ZNF536: variants seen among roughly 807,000 people sequenced by gnomAD.
ZNF536 encodes the protein zinc finger protein 536.
In ZNF536, 13 loss-of-function variants were observed where a neutral mutation model predicts 84.5. The ratio of observed to expected loss-of-function variants is 0.15; its 90% CI spans 0.10 to 0.24. ZNF536 has a LOEUF of 0.24. Among genes scored for constraint, ZNF536 ranks in the 10% least tolerant of loss-of-function variants. The pLI is 1.00. For missense variants in ZNF536, 1,536 were observed against 1,747.5 expected (o/e 0.88, Z 2.16); for synonymous variants, 811 against 742.5 (o/e 1.09, Z -1.50).
chr19:30,674,992 C>A (rs2050699656), intron 1 of ZNF536, among the ~76,000 whole-genome samples: 1 of 152,148 alleles, frequency 6.6e-6, no homozygotes, highest in Admixed American at 6.5e-5. Context: ...ACTCCTGCAG[C>A]TGAAGGTGGC....
chr19:30,386,611 C>T (rs954947752), intron 1 of ZNF536, among the ~76,000 whole-genome samples: 2 of 152,186 alleles, frequency 1.3e-5, no homozygotes, highest in Non-Finnish European at 2.9e-5. Context: ...CTCCAGAGCT[C>T]GAGCAATCCT....
intron 1 of ZNF536, among the ~76,000 whole-genome samples, chr19:30,703,767 T>C (rs1221863126): frequency 2.0e-5 from 3 of 152,218 alleles, no homozygotes; most frequent in African/African-American, 7.2e-5. Context: ...AGCCGACATC[T>C]TGGAGTTCTT....
chr19:30,371,023 CCAA>C (rs1181973941), upstream of ZNF536, among the ~76,000 whole-genome samples: 18 of 152,284 alleles, frequency 1.2e-4, no homozygotes, highest in African/African-American at 4.1e-4. Flanking sequence ...CATTAACTGA[CCAA>C]TCTAAATCTC....
intron 1 of ZNF536, among the ~76,000 whole-genome samples, chr19:30,237,007 G>A (rs1284919259): frequency 2.0e-5 from 3 of 151,714 alleles, no homozygotes; most frequent in East Asian, 3.9e-4. Context: ...TGATCCTCAC[G>A]TCTCAAAATG....
At chr19:30,398,756 T>C (rs914317667) in intron 1 of ZNF536, among the ~76,000 whole-genome samples, 5 of 152,222 alleles carry the variant, frequency 3.3e-5, no homozygotes, top group African/African-American at 9.7e-5. Context: ...TTATCCTTTT[T>C]TATGGCTGCA....
At chr19:30,375,679 C>T (rs1162490120) in intron 1 of ZNF536, among the ~76,000 whole-genome samples, 1 of 152,194 alleles carries the variant, frequency 6.6e-6, no homozygotes, top group Non-Finnish European at 1.5e-5. Context: ...TGGAGATGGG[C>T]GAGTGCAGGC....
At chr19:30,579,988 T>C (rs939427718) in intron 1 of ZNF536, among the ~76,000 whole-genome samples, 3 of 152,206 alleles carry the variant, frequency 2.0e-5, no homozygotes, top group African/African-American at 7.2e-5. Context: ...CTTCACAATG[T>C]CCTAGTTCCA....
At chr19:30,503,811 C>T (rs2055047457) in intron 2 of ZNF536, among the ~76,000 whole-genome samples, 1 of 152,052 alleles carries the variant, frequency 6.6e-6, no homozygotes, top group African/African-American at 2.4e-5. Flanking sequence ...TTCCTTTTTC[C>T]CCTCTTTGCA....
intron 1 of ZNF536, among the ~76,000 whole-genome samples, chr19:30,243,565 T>G (rs530416049): frequency 1.5e-3 from 235 of 152,312 alleles, no homozygotes; most frequent in Non-Finnish European, 2.0e-3. Flanking sequence ...CCATAATAAA[T>G]AGCAAGTAAT....
chr19:30,584,944 A>C (rs2146717300), intron 1 of ZNF536, among the ~76,000 whole-genome samples: 1 of 152,066 alleles, frequency 6.6e-6, no homozygotes, highest in African/African-American at 2.4e-5. Flanking sequence ...AAAATACTTA[A>C]AAATTAGCTG....
intron 1 of ZNF536, among the ~76,000 whole-genome samples, chr19:30,701,394 C>T (rs1157148548): frequency 6.6e-6 from 1 of 151,164 alleles, no homozygotes; most frequent in African/African-American, 2.4e-5. Context: ...CACAGACACA[C>T]CCAAACACAC....
At chr19:30,689,045 C>T (rs2051306752) in intron 1 of ZNF536, among the ~76,000 whole-genome samples, 1 of 152,248 alleles carries the variant, frequency 6.6e-6, no homozygotes. Context: ...CGATGTGTGT[C>T]ATCCCCTTAG....
chr19:30,431,674 A>G (rs1330959823), intron 1 of ZNF536, among the ~76,000 whole-genome samples: 1 of 152,208 alleles, frequency 6.6e-6, no homozygotes, highest in Non-Finnish European at 1.5e-5. Context: ...GCTCAAATGT[A>G]AACGGCTTTA....
intron 1 of ZNF536, among the ~76,000 whole-genome samples, chr19:30,427,778 T>C (rs1945804329): frequency 6.6e-6 from 1 of 152,162 alleles, no homozygotes; most frequent in African/African-American, 2.4e-5. Flanking sequence ...GTCTCTGGGC[T>C]CCTGACTTTA....
At chr19:30,361,714 C>G (rs1192641561) in intron 3 of ZNF536, among the ~76,000 whole-genome samples, 1 of 148,262 alleles carries the variant, frequency 6.7e-6, no homozygotes, top group Admixed American at 6.9e-5. Flanking sequence ...AGAGTGGGGA[C>G]CAGGTGGGTG....
chr19:30,403,334 C>T (rs919108901), intron 1 of ZNF536, among the ~76,000 whole-genome samples: 2 of 152,054 alleles, frequency 1.3e-5, no homozygotes, highest in East Asian at 1.9e-4. Context: ...ACAAGGCAGG[C>T]CTTTGAAAAT....
chr19:30,228,405 G>C (rs540720457), upstream of ZNF536: 2 of 152,218 alleles, frequency 1.3e-5, no homozygotes, highest in East Asian at 3.9e-4. This position sits in a 1 kb window ranked among gnomAD's most constrained non-coding sequence, Gnocchi z 4.5. Flanking sequence ...AGGGTCGCCA[G>C]GAAAGTGGAC....
intron 1 of ZNF536, among the ~76,000 whole-genome samples, chr19:30,625,111 C>T (rs1308324765): frequency 6.6e-6 from 1 of 152,180 alleles, no homozygotes; most frequent in African/African-American, 2.4e-5. Context: ...ACCAGGAATG[C>T]AGCCAGGCTC....
upstream of ZNF536, among the ~76,000 whole-genome samples, chr19:30,368,787 G>A (rs373771798): frequency 3.3e-5 from 5 of 152,176 alleles, no homozygotes; most frequent in East Asian, 1.9e-4. Flanking sequence ...GAATCTCACC[G>A]GGTCCAAGGG....
Sources: allele counts gnomAD v4.1 joint callset (sites outside exome capture counted in the v4.1 genomes callset), GRCh38; gene constraint gnomAD v4.1.1; non-coding constraint Gnocchi (gnomAD v3.1); transcripts MANE v1.5; gene names NCBI Gene and HGNC (gene_info 2026-07-23, HGNC 2026-07-21).